Variants in TRPV1 observed in about 807,000 individuals in gnomAD.
The protein encoded by TRPV1 is OTRPC1.
A neutral mutation model predicts 82.3 loss-of-function variants in TRPV1; 82 were observed. The ratio of observed to expected loss-of-function variants is 1.00; its 90% CI spans 0.83 to 1.20. TRPV1 has a LOEUF of 1.20. Ranked by LOEUF, TRPV1 falls within the 50% of genes most tolerant of loss-of-function variation. The pLI, the probability that TRPV1 is intolerant of heterozygous loss-of-function variation, is 0.00. For missense variants in TRPV1, 1,067 were observed against 1,096.8 expected (o/e 0.97, Z 0.38); for synonymous variants, 515 against 467.7 (o/e 1.10, Z -1.30).
intron 2 of TRPV1, among the ~76,000 whole-genome samples, chr17:3,598,449 C>T (rs1248580838): frequency 6.6e-6 from 1 of 152,040 alleles, no homozygotes; most frequent in Admixed American, 6.6e-5. Flanking sequence ...ATGTGTGACG[C>T]TGGGCAATTA....
At chr17:3,585,503 A>T in intron 9 of TRPV1, 1 of 420,366 alleles carries the variant, frequency 2.4e-6, no homozygotes, top group Non-Finnish European at 4.4e-6. Context: ...GACCTGAGTC[A>T]CCACACACTC....
chr17:3,587,302 A>T (rs1169642406), intron 8 of TRPV1, among the ~76,000 whole-genome samples: 1 of 152,120 alleles, frequency 6.6e-6, no homozygotes, highest in Non-Finnish European at 1.5e-5. Context: ...CTGTAAACGC[A>T]ACCTCTGACC....
At chr17:3,592,437 T>C in intron 2 of TRPV1, 54 bp from the exon 3 acceptor site, 4 of 1,466,422 alleles carry the variant, frequency 2.7e-6, no homozygotes, top group Non-Finnish European at 3.6e-6. Flanking sequence ...TGCTTGTCCT[T>C]AGACCCCACC....
intron 10 of TRPV1, 103 bp from the exon 11 acceptor site, chr17:3,580,630 T>C: frequency 8.3e-7 from 1 of 1,204,216 alleles, no homozygotes; most frequent in Non-Finnish European, 1.2e-6. Flanking sequence ...GGTGGTCGAA[T>C]GTGTGAAAGC....
intron 14 of TRPV1, 99 bp downstream of exon 14, chr17:3,573,534 C>CA: frequency 2.8e-5 from 4 of 143,760 alleles, no homozygotes; most frequent in South Asian, 5.1e-4. Context: ...CACACACCGC[C>CA]CCCACCACCC....
chr17:3,577,773 G>C lies in TRPV1; in HGVS notation c.1548-10C>G, dbSNP rs2074954428. On this transcript the variant is annotated splice_polypyrimidine_tract_variant and intron_variant, in intron 11 of 16. Transcript: ENST00000572705. ...CAGTGACTGCAGAAAGCTGCGGGTGGAGGGGCAGAAAGCTCCGTCTACGGG... is the reference window on the plus strand; with the variant it reads ...CAGTGACTGCAGAAAGCTGCGGGTGCAGGGGCAGAAAGCTCCGTCTACGGG... 6.3e-7 allele frequency: 1 copy of C among 1,585,922 alleles called. No homozygotes were observed. The highest frequency in any genetic ancestry group is 1.3e-5 in the African/African-American group (1 of 74,338).
chr17:3,578,087 A>G (rs2074958418), intron 11 of TRPV1: 11 of 207,176 alleles, frequency 5.3e-5, no homozygotes, highest in Non-Finnish European at 9.1e-5. Context: ...TGCGGAGCAC[A>G]AGGTCAGGAG....
chr17:3,592,458 G>A, intron 2 of TRPV1, 75 bp from the exon 3 acceptor site: 1 of 1,384,694 alleles, frequency 7.2e-7, no homozygotes, highest in Non-Finnish European at 9.6e-7. Context: ...TGCCCTCCTT[G>A]CCAAGGGCCC....
chr17:3,595,511 G>A (rs1567674107), intron 2 of TRPV1, among the ~76,000 whole-genome samples: 4 of 152,216 alleles, frequency 2.6e-5, no homozygotes, highest in Admixed American at 2.0e-4. Flanking sequence ...AGCACCTCTC[G>A]CTCAAACAAG....
At chr17:3,576,507 C>A (rs1190552040) in intron 13 of TRPV1, among the ~76,000 whole-genome samples, 1 of 151,436 alleles carries the variant, frequency 6.6e-6, no homozygotes, top group Non-Finnish European at 1.5e-5. Context: ...AAAAAATTAG[C>A]CAGGCGTGGT....
At chr17:3,587,097 C>T (rs1406756347) in intron 8 of TRPV1, among the ~76,000 whole-genome samples, 1 of 152,216 alleles carries the variant, frequency 6.6e-6, no homozygotes, top group African/African-American at 2.4e-5. Context: ...CCTTTAGAGA[C>T]ATGAAGATGT....
chr17:3,589,744 G>A (rs576068335), intron 7 of TRPV1, 63 bp downstream of exon 7: 19 of 1,543,904 alleles, frequency 1.2e-5, no homozygotes, highest in Middle Eastern at 3.8e-4. Context: ...CAGTGAGTCA[G>A]GCAGTCCTCT....
chr17:3,590,700 C>T (rs1217104047), intron 5 of TRPV1, among the ~76,000 whole-genome samples: 1 of 152,138 alleles, frequency 6.6e-6, no homozygotes, highest in Non-Finnish European at 1.5e-5. Flanking sequence ...GGGACAGGGA[C>T]CATCCAGTCA....
chr17:3,571,729 C>G (rs1435529674), intron 15 of TRPV1, 90 bp from the exon 16 acceptor site: 1 of 1,008,912 alleles, frequency 9.9e-7, no homozygotes, highest in East Asian at 2.6e-5. Context: ...AAGAAACCCA[C>G]CCATCAGGAT....
At chr17:3,574,018 A>C in intron 13 of TRPV1, 63 bp from the exon 14 acceptor site, 1 of 1,365,692 alleles carries the variant, frequency 7.3e-7, no homozygotes, top group Non-Finnish European at 9.9e-7. Context: ...GTCCCCTGAC[A>C]TACACCCTCC....
At chr17:3,593,576 G>A (rs1403601823) in intron 2 of TRPV1, among the ~76,000 whole-genome samples, 1 of 151,940 alleles carries the variant, frequency 6.6e-6, no homozygotes, top group African/African-American at 2.4e-5. Context: ...GTCTACCCTT[G>A]CACAAGTCCT....
chr17:3,600,814 C>T (rs1455225681), intron 2 of TRPV1, among the ~76,000 whole-genome samples: 1 of 152,124 alleles, frequency 6.6e-6, no homozygotes, highest in African/African-American at 2.4e-5. Context: ...CCTCTTCTTG[C>T]CGTTCCCCAC....
At chr17:3,581,324 C>A (rs903803947) in intron 10 of TRPV1, among the ~76,000 whole-genome samples, 5 of 151,992 alleles carry the variant, frequency 3.3e-5, no homozygotes, top group African/African-American at 9.7e-5. Flanking sequence ...AATAAAAATT[C>A]TTGTAACAAG....
intron 2 of TRPV1, among the ~76,000 whole-genome samples, chr17:3,599,164 G>A (rs1206535075): frequency 6.6e-6 from 1 of 151,872 alleles, no homozygotes; most frequent in Non-Finnish European, 1.5e-5. Context: ...ACTTGAACCC[G>A]GGAGGTGGAG....
Sources: allele counts gnomAD v4.1 joint callset (sites outside exome capture counted in the v4.1 genomes callset), GRCh38; gene constraint gnomAD v4.1.1; transcripts MANE v1.5; gene names NCBI Gene and HGNC (gene_info 2026-07-23, HGNC 2026-07-21).